Variants in MEGF11 observed in about 807,000 individuals in gnomAD.
MEGF11 encodes the protein multiple EGF like domains 11.
MEGF11 carries 126 observed loss-of-function variants against 146.6 expected under a neutral mutation model. The observed-to-expected ratio is 0.86, with a 90% confidence interval of 0.74 to 1.00. MEGF11 has a LOEUF of 1.00. Ranked by LOEUF, MEGF11 falls within the 50% of genes least tolerant of loss-of-function variation. The pLI, the probability that MEGF11 is intolerant of heterozygous loss-of-function variation, is 0.00. For missense variants in MEGF11, 1,509 were observed against 1,521.2 expected, an observed-to-expected ratio of 0.99 and a Z score of 0.13; for synonymous variants, 532 against 583.4, an observed-to-expected ratio of 0.91 and a Z score of 1.27.
chr15:66,042,070 G>A lies in MEGF11; in HGVS notation c.394+52332C>T, dbSNP rs555487759. On this transcript the variant is annotated intron_variant, in intron 5 of 25. Coordinates refer to ENST00000395614, the MANE Select transcript of MEGF11 (RefSeq NM_001385028.1). ...AGAGCCAATTAGAGGGAGGTATTTG[G>A]TCATGTAGCAGAGACAGAATGCACA... Among the ~76,000 whole-genome samples the A allele has an allele frequency of 9.9e-5, 15 of 150,814 alleles. No homozygotes were observed. The South Asian group carries it at 3.2e-3, about 32-fold the overall frequency.
intron 2 of MEGF11, 77 bp downstream of exon 2, chr15:66,128,229 G>T: frequency 1.1e-6 from 1 of 943,462 alleles, no homozygotes; most frequent in Non-Finnish European, 1.5e-6. Flanking sequence ...TGGATCTCCT[G>T]ACTGCCTCTG....
intron 1 of MEGF11, among the ~76,000 whole-genome samples, chr15:66,182,198 C>T (rs1482872601): frequency 1.3e-5 from 2 of 152,134 alleles, no homozygotes; most frequent in African/African-American, 2.4e-5. Flanking sequence ...TAGAGTCTGC[C>T]AGTCCTCATA....
chr15:65,965,602 T>TTC lies in MEGF11; in HGVS notation c.900-483_900-482insGA, dbSNP rs143389411. 7.8e-3 allele frequency among the ~76,000 whole-genome samples: 252 copies of TTC among 32,184 alleles called. 17 individuals are homozygous for TTC. The highest frequency in any genetic ancestry group is 0.024 in the Middle Eastern group (2 of 84). The allele number at this position is 32,184 out of a possible 152,430, so 21.1% of individuals were successfully genotyped here. A position where few individuals can be genotyped will look rare whatever the true frequency, so the allele number is the denominator to read the frequency against. On this transcript the variant is annotated intron_variant, in intron 8 of 25. Coordinates refer to ENST00000395614, the MANE Select transcript of MEGF11 (RefSeq NM_001385028.1). The stretch of plus-strand genomic sequence containing the variant: ...TTTCTTTCTTTCTTTCTTTCTTTCT[T>TTC]TTTTTTTTTTCTTTTTTTTTTTTTT...
At chr15:65,946,423 A>G (rs1420064500) in intron 10 of MEGF11, among the ~76,000 whole-genome samples, 1 of 152,304 alleles carries the variant, frequency 6.6e-6, no homozygotes. Context: ...GCATCTACTG[A>G]GCACCTACTA....
At chr15:66,200,036 T>A (rs8027592) in intron 1 of MEGF11, among the ~76,000 whole-genome samples, 67,163 of 152,120 alleles carry the variant, frequency 0.44, 15,182 homozygotes, top group East Asian at 0.59. Context: ...CAAAAGCAGA[T>A]CTATATACAA....
intron 19 of MEGF11, 179 bp from the exon 20 acceptor site, chr15:65,914,152 G>T: frequency 1.7e-6 from 1 of 596,804 alleles, no homozygotes; most frequent in Non-Finnish European, 3.0e-6. Flanking sequence ...ATCCCTAAAG[G>T]GGATGGAGTC....
intron 4 of MEGF11, among the ~76,000 whole-genome samples, chr15:66,118,559 C>A (rs537643009): frequency 6.6e-6 from 1 of 152,232 alleles, no homozygotes; most frequent in Non-Finnish European, 1.5e-5. Flanking sequence ...ATCCTCCCAG[C>A]TCCCGGAACC....
At chr15:66,067,954 T>C (rs1305812939) in intron 5 of MEGF11, among the ~76,000 whole-genome samples, 1 of 152,196 alleles carries the variant, frequency 6.6e-6, no homozygotes, top group African/African-American at 2.4e-5. Flanking sequence ...GGAGTAAAAA[T>C]GACGATGCCA....
intron 10 of MEGF11, among the ~76,000 whole-genome samples, chr15:65,945,838 A>T (rs2080173352): frequency 6.6e-6 from 1 of 152,136 alleles, no homozygotes; most frequent in Non-Finnish European, 1.5e-5. Flanking sequence ...GGCAGTGAGG[A>T]TCACTCTGGG....
intron 23 of MEGF11, 106 bp from the exon 24 acceptor site, chr15:65,906,247 C>T: frequency 3.9e-6 from 3 of 763,170 alleles, no homozygotes; most frequent in Non-Finnish European, 6.5e-6. Flanking sequence ...TCTCCCCTAC[C>T]CAGAAAATAA....
In MEGF11 at chr15:65,983,099, C is replaced by T. The variant is rs143826483; in HGVS notation, c.395-611G>A. 1.3e-4 allele frequency among the ~76,000 whole-genome samples: 20 copies of T among 152,310 alleles called. No individual in the cohort carries two copies. In the East Asian group the frequency reaches 3.7e-3, roughly 28 times the overall value. On this transcript the variant is annotated intron_variant, in intron 5 of 25. Transcript: ENST00000395614. ...CCCTCCCCTGGCTCCATCTCCCTGTCACCCTTTTCATCTCTTCCTCATGCT... is the reference window on the plus strand; with the variant it reads ...CCCTCCCCTGGCTCCATCTCCCTGTTACCCTTTTCATCTCTTCCTCATGCT...
rs544733966 is a variant in MEGF11, at chr15:65,911,656, C to G, written c.2829+426G>C. 2.6e-5 allele frequency among the ~76,000 whole-genome samples: 4 copies of G among 152,352 alleles called. No homozygotes were observed. The East Asian group carries it at 7.7e-4, about 29-fold the overall frequency. ...TCAATATCTCGACCTTGTGATCCGC[C>G]TGCCTCGGCCTCCCAAAGTGCTGGG... is the stretch of plus-strand genomic sequence containing the variant. On this transcript the variant is annotated intron_variant, in intron 21 of 25. Coordinates refer to ENST00000395614, the MANE Select transcript of MEGF11 (RefSeq NM_001385028.1).
intron 3 of MEGF11, among the ~76,000 whole-genome samples, chr15:66,120,853 G>A (rs1303125924): frequency 6.6e-6 from 1 of 152,286 alleles, no homozygotes; most frequent in Non-Finnish European, 1.5e-5. Context: ...CCCGCAATGG[G>A]GGGTGGTCTG....
At chr15:66,002,037 T>A (rs887574387) in intron 5 of MEGF11, among the ~76,000 whole-genome samples, 1 of 151,990 alleles carries the variant, frequency 6.6e-6, no homozygotes, top group Non-Finnish European at 1.5e-5. Context: ...TGGAATCCCC[T>A]CCCCTCACAC....
chr15:66,014,510 G>A (rs1248190158), intron 5 of MEGF11, among the ~76,000 whole-genome samples: 1 of 152,184 alleles, frequency 6.6e-6, no homozygotes, highest in African/African-American at 2.4e-5. Flanking sequence ...TTTCCAGCCA[G>A]AAAGCCTCAG....
At position 66,119,197 on chromosome 15, in the gene MEGF11, AG is replaced by A; in HGVS notation, c.201-12del. On this transcript the variant is annotated splice_polypyrimidine_tract_variant and intron_variant, in intron 3 of 25. Coordinates refer to ENST00000395614, the MANE Select transcript of MEGF11 (RefSeq NM_001385028.1). ...GTCTTATAACTGATCCTAAGGCACA[AG>A]GGAGAAAGCCACTTGAAAGTATTGA... 1.3e-6 allele frequency: 2 copies of A among 1,538,634 alleles called. No homozygotes were observed. Among genetic ancestry groups the A allele is most frequent in the Non-Finnish European group, 1.8e-6 (2 of 1,136,268 alleles).
chr15:66,179,950 T>C (rs1174765730), intron 1 of MEGF11, among the ~76,000 whole-genome samples: 1 of 152,088 alleles, frequency 6.6e-6, no homozygotes, highest in East Asian at 1.9e-4. Context: ...AGGCAAGGGT[T>C]TACCAAGCCC....
intron 5 of MEGF11, among the ~76,000 whole-genome samples, chr15:65,996,158 A>G (rs967519721): frequency 5.9e-5 from 9 of 152,176 alleles, no homozygotes; most frequent in South Asian, 4.2e-4. Flanking sequence ...TAGTTTTTCC[A>G]TTGTAAAATA....
intron 10 of MEGF11, among the ~76,000 whole-genome samples, chr15:65,953,106 C>T (rs1438001737): frequency 1.3e-5 from 2 of 152,208 alleles, no homozygotes; most frequent in African/African-American, 2.4e-5. Flanking sequence ...TCCCAACACC[C>T]TCCTACTGGT....
Sources: allele counts gnomAD v4.1 joint callset (sites outside exome capture counted in the v4.1 genomes callset), GRCh38; gene constraint gnomAD v4.1.1; transcripts MANE v1.5; gene names NCBI Gene and HGNC (gene_info 2026-07-23, HGNC 2026-07-21).